NRG3: variants seen among roughly 807,000 people sequenced by gnomAD.
NRG3 encodes pro-neuregulin-3, membrane-bound isoform.
NRG3 carries 31 observed loss-of-function variants against 66.9 expected under a neutral mutation model. The ratio of observed to expected loss-of-function variants is 0.46; its 90% confidence interval spans 0.35 to 0.63. NRG3 has a LOEUF of 0.63. Among genes scored for constraint, NRG3 ranks in the 20% least tolerant of loss-of-function variants. NRG3 has a pLI of 0.00. For missense variants in NRG3, 910 were observed against 878.9 expected, an observed-to-expected ratio of 1.04 and a Z score of -0.45; for synonymous variants, 393 against 359.4, an observed-to-expected ratio of 1.09 and a Z score of -1.06.
intron 1 of NRG3, among the ~76,000 whole-genome samples, chr10:82,176,276 G>A (rs1238741549): frequency 6.6e-6 from 1 of 152,010 alleles, no homozygotes; most frequent in Non-Finnish European, 1.5e-5. Context: ...ATAACTTCTG[G>A]TGTTCTTAGT....
chr10:82,577,649 C>G (rs181939552), intron 2 of NRG3, among the ~76,000 whole-genome samples: 3 of 151,810 alleles, frequency 2.0e-5, no homozygotes, highest in Admixed American at 6.6e-5. Context: ...ACCTTGAACT[C>G]GGTAAACACT....
intron 4 of NRG3, among the ~76,000 whole-genome samples, chr10:82,899,439 A>G (rs534157012): frequency 1.3e-5 from 2 of 152,292 alleles, no homozygotes; most frequent in South Asian, 4.1e-4. Context: ...GGGAGAAAGG[A>G]CTTAGGAAAT....
chr10:82,148,221 G>A (rs542739214), intron 1 of NRG3, among the ~76,000 whole-genome samples: 13 of 149,640 alleles, frequency 8.7e-5, no homozygotes, highest in African/African-American at 2.8e-4. Context: ...CACTGATTGC[G>A]GGGGGGTGGC....
intron 2 of NRG3, among the ~76,000 whole-genome samples, chr10:82,686,536 A>G (rs1461142918): frequency 6.6e-6 from 1 of 152,130 alleles, no homozygotes; most frequent in East Asian, 1.9e-4. Context: ...GTTTGTTTAT[A>G]CCAGCATCAC....
chr10:81,877,992 G>A (rs866546244), intron 1 of NRG3: 4 of 1,537,624 alleles, frequency 2.6e-6, no homozygotes, highest in African/African-American at 2.7e-5. Context: ...ACCCTTGTAT[G>A]CGTTGGGAGA....
chr10:82,080,716 T>TA (rs568356260), intron 1 of NRG3, among the ~76,000 whole-genome samples: 3 of 152,126 alleles, frequency 2.0e-5, no homozygotes, highest in East Asian at 3.9e-4. Context: ...TTTTAACCTT[T>TA]AAAAAAAATG....
intron 1 of NRG3, among the ~76,000 whole-genome samples, chr10:82,254,123 A>G (rs905994104): frequency 2.0e-5 from 3 of 152,346 alleles, no homozygotes; most frequent in Non-Finnish European, 2.9e-5. Flanking sequence ...TAAAGGACCA[A>G]CCATTTTTAG....
intron 2 of NRG3, among the ~76,000 whole-genome samples, chr10:82,505,475 T>C (rs1844582162): frequency 6.6e-6 from 1 of 152,156 alleles, no homozygotes. Context: ...GATAGACCAT[T>C]GAGTTCTATT....
At chr10:82,620,340 G>A (rs1439838924) in intron 2 of NRG3, among the ~76,000 whole-genome samples, 3 of 152,228 alleles carry the variant, frequency 2.0e-5, no homozygotes, top group South Asian at 2.1e-4. Flanking sequence ...GAGGTTGCAC[G>A]GACACTTGAA....
intron 2 of NRG3, among the ~76,000 whole-genome samples, chr10:82,595,453 A>C (rs1335532708): frequency 6.6e-6 from 1 of 152,172 alleles, no homozygotes; most frequent in Non-Finnish European, 1.5e-5. Flanking sequence ...AGATAGGATT[A>C]CCACCTTATA....
intron 2 of NRG3, among the ~76,000 whole-genome samples, chr10:82,725,016 A>G (rs2057519479): frequency 6.6e-6 from 1 of 152,212 alleles, no homozygotes; most frequent in Admixed American, 6.5e-5. Flanking sequence ...TCCAAAAAGG[A>G]CATTACCACC....
At chr10:82,383,454 G>A (rs2135878915) in intron 2 of NRG3, among the ~76,000 whole-genome samples, 1 of 151,272 alleles carries the variant, frequency 6.6e-6, no homozygotes, top group Admixed American at 6.6e-5. Flanking sequence ...CTTTAGCATT[G>A]ACTCATTTTT....
At chr10:82,461,537 A>G (rs1019829334) in intron 2 of NRG3, among the ~76,000 whole-genome samples, 1 of 152,238 alleles carries the variant, frequency 6.6e-6, no homozygotes, top group African/African-American at 2.4e-5. Flanking sequence ...ATTGAATCCT[A>G]TAAAATACAG....
At chr10:82,183,092 G>A (rs770561395) in intron 1 of NRG3, among the ~76,000 whole-genome samples, 6 of 151,796 alleles carry the variant, frequency 4.0e-5, no homozygotes, top group Non-Finnish European at 5.9e-5. Context: ...GTGTCAGTGT[G>A]GACTTCCTTG....
chr10:82,820,672 C>G (rs2135569204), intron 3 of NRG3, among the ~76,000 whole-genome samples: 1 of 152,306 alleles, frequency 6.6e-6, no homozygotes, highest in East Asian at 1.9e-4. Flanking sequence ...GATATGCCAT[C>G]AGTTAAGTAT....
rs557335826 is a variant in NRG3, at chr10:82,488,744, G to A, written c.953+129876G>A. On this transcript the variant is annotated intron_variant, in intron 2 of 8. Coordinates refer to ENST00000372141, the MANE Select transcript of NRG3 (RefSeq NM_001010848.4). ...TCTCCAGGGATGGCATGACCAGTTG[G>A]GTCTTGAATGGAGAGTTACATAAAA... is the stretch of plus-strand genomic sequence containing the variant. 3.3e-5 allele frequency among the ~76,000 whole-genome samples: 5 copies of A among 152,032 alleles called. No individual in the cohort carries two copies. In the South Asian group the frequency reaches 6.2e-4, roughly 19 times the overall value.
intron 1 of NRG3, among the ~76,000 whole-genome samples, chr10:82,080,343 T>A (rs566210692): frequency 6.6e-6 from 1 of 152,342 alleles, no homozygotes; most frequent in African/African-American, 2.4e-5. Flanking sequence ...TCAGTTAATG[T>A]TGCTAAGTCA....
At chr10:82,588,201 A>T (rs1565100469) in intron 2 of NRG3, among the ~76,000 whole-genome samples, 1 of 152,116 alleles carries the variant, frequency 6.6e-6, no homozygotes. Flanking sequence ...TCTAAGTCTC[A>T]TGTTGAAATG....
chr10:82,914,228 C>A (rs973196652), intron 4 of NRG3, among the ~76,000 whole-genome samples: 1 of 152,074 alleles, frequency 6.6e-6, no homozygotes, highest in African/African-American at 2.4e-5. Flanking sequence ...ATCCTTTGGC[C>A]TAACAATCAG....
Sources: allele counts gnomAD v4.1 joint callset (sites outside exome capture counted in the v4.1 genomes callset), GRCh38; gene constraint gnomAD v4.1.1; transcripts MANE v1.5; gene names NCBI Gene and HGNC (gene_info 2026-07-23, HGNC 2026-07-21).